IFTAP: variants seen among roughly 807,000 people sequenced by gnomAD.
IFTAP encodes the protein intraflagellar transport-associated protein.
In IFTAP, 19 loss-of-function variants were observed where a neutral mutation model predicts 19.4. The observed-to-expected ratio is 0.98, with a 90% CI of 0.68 to 1.44. The LOEUF (loss-of-function observed/expected upper bound fraction) is 1.44, where lower values mean the gene tolerates loss of function less well. Among genes scored for constraint, IFTAP ranks in the 40% most tolerant of loss-of-function variants. The pLI is 0.00. For missense variants in IFTAP, 240 were observed against 253.6 expected, an observed-to-expected ratio of 0.95 and a Z score of 0.36; for synonymous variants, 85 against 83.5, an observed-to-expected ratio of 1.02 and a Z score of -0.10.
chr11:36,647,751 A>C (rs1403092855), intron 4 of IFTAP, among the ~76,000 whole-genome samples: 1 of 151,990 alleles, frequency 6.6e-6, no homozygotes, highest in Non-Finnish European at 1.5e-5. Flanking sequence ...CAGTCAGGTT[A>C]CTCCAAAAAC....
intron 5 of IFTAP, among the ~76,000 whole-genome samples, chr11:36,656,061 A>G (rs964786478): frequency 3.3e-5 from 5 of 152,206 alleles, no homozygotes; most frequent in Non-Finnish European, 7.3e-5. Context: ...TATAGCCACA[A>G]GGTAGTTTGA....
rs186799457 is a variant in IFTAP, at chr11:36,638,577, T to C, written c.358+2460T>C. ...AAGGGAAAAGAAATTAAATAGTTGGTGCCAAGGCGAATTTTAGTTTGGGCC... is the reference window on the plus strand; with the variant it reads ...AAGGGAAAAGAAATTAAATAGTTGGCGCCAAGGCGAATTTTAGTTTGGGCC... On this transcript the variant is annotated intron_variant, in intron 4 of 5. Transcript: ENST00000334307. Among the ~76,000 whole-genome samples the C allele has an allele frequency of 1.5e-4, 23 of 152,354 alleles. No homozygotes were observed. In the East Asian group the frequency reaches 4.4e-3, roughly 29 times the overall value.
At chr11:36,606,235 G>T (rs1400464866) in intron 1 of IFTAP, among the ~76,000 whole-genome samples, 1 of 152,136 alleles carries the variant, frequency 6.6e-6, no homozygotes, top group Non-Finnish European at 1.5e-5. Context: ...AAGGCAGGCG[G>T]ATCACCTGAG....
At chr11:36,637,358 G>A (rs1337955311) in intron 4 of IFTAP, among the ~76,000 whole-genome samples, 1 of 152,206 alleles carries the variant, frequency 6.6e-6, no homozygotes, top group Admixed American at 6.5e-5. Flanking sequence ...TTTGGTTTAA[G>A]TGAGATCAGA....
At chr11:36,634,934 C>T (rs1466694794) in intron 3 of IFTAP, among the ~76,000 whole-genome samples, 3 of 152,048 alleles carry the variant, frequency 2.0e-5, no homozygotes, top group African/African-American at 7.2e-5. Flanking sequence ...AACATGACTC[C>T]AGTCCCCATT....
At chr11:36,633,527 G>C (rs1852809035) in intron 3 of IFTAP, 89 bp downstream of exon 3, 6 of 1,052,496 alleles carry the variant, frequency 5.7e-6, no homozygotes, top group Non-Finnish European at 7.6e-6. Flanking sequence ...CTAAACACTA[G>C]ACAGTTATTA....
intron 1 of IFTAP, among the ~76,000 whole-genome samples, chr11:36,600,453 G>A (rs1013449013): frequency 7.9e-5 from 12 of 152,216 alleles, no homozygotes; most frequent in African/African-American, 2.7e-4. Flanking sequence ...TGTAAGCTGT[G>A]CATGTGAGGG....
intron 4 of IFTAP, among the ~76,000 whole-genome samples, chr11:36,639,409 GTTCTCCAGTACTGTAC>G (rs1429666893): frequency 1.3e-5 from 2 of 152,132 alleles, no homozygotes; most frequent in East Asian, 3.9e-4. Context: ...TCATTTTCAG[GTTCTCCAGTACTGTAC>G]TTCTGCCTTA....
intron 4 of IFTAP, among the ~76,000 whole-genome samples, chr11:36,639,726 A>G (rs924110915): frequency 5.3e-5 from 8 of 152,116 alleles, no homozygotes; most frequent in Non-Finnish European, 1.2e-4. Context: ...TGAGGGATCT[A>G]CTCTGAAACC....
chr11:36,640,478 A>G (rs1853153246), intron 4 of IFTAP, among the ~76,000 whole-genome samples: 1 of 152,210 alleles, frequency 6.6e-6, no homozygotes, highest in Non-Finnish European at 1.5e-5. Flanking sequence ...ACTGAAATAC[A>G]GTGGTTGTGG....
intron 5 of IFTAP, among the ~76,000 whole-genome samples, chr11:36,656,782 T>C (rs1256451657): frequency 1.3e-5 from 2 of 152,082 alleles, no homozygotes; most frequent in African/African-American, 4.8e-5. Context: ...TAAATGTTTA[T>C]TGAGTGAACA....
chr11:36,635,066 T>A (rs200686786), intron 3 of IFTAP, among the ~76,000 whole-genome samples: 1,820 of 152,242 alleles, frequency 0.012, 22 homozygotes, highest in East Asian at 0.031. Flanking sequence ...ACTGCAGGTA[T>A]GTACTTAAAA....
At chr11:36,629,601 A>G (rs939866439) in intron 2 of IFTAP, among the ~76,000 whole-genome samples, 1 of 151,524 alleles carries the variant, frequency 6.6e-6, no homozygotes, top group Non-Finnish European at 1.5e-5. Context: ...TTCTTTCAAA[A>G]TTGAGTTCTT....
At chr11:36,607,219 A>G (rs1386877295) in intron 1 of IFTAP, among the ~76,000 whole-genome samples, 2 of 152,220 alleles carry the variant, frequency 1.3e-5, no homozygotes, top group Non-Finnish European at 1.5e-5. Context: ...TAGGCAAAGG[A>G]CAGAATATTA....
At chr11:36,657,862 CT>C (rs1188512479) in intron 5 of IFTAP, among the ~76,000 whole-genome samples, 1 of 152,160 alleles carries the variant, frequency 6.6e-6, no homozygotes, top group African/African-American at 2.4e-5. Context: ...CACTAAGGTC[CT>C]TTCTGATAAA....
chr11:36,619,202 A>T (rs977815181), intron 2 of IFTAP, among the ~76,000 whole-genome samples: 3 of 151,928 alleles, frequency 2.0e-5, no homozygotes, highest in African/African-American at 7.3e-5. Context: ...CTGGACTGAT[A>T]AATTTTGAGT....
chr11:36,648,123 A>G lies in IFTAP; in HGVS notation c.466A>G (p.Ser156Gly). The G allele has an allele frequency of 1.2e-6, 2 of 1,613,364 alleles. No homozygotes were observed. The highest frequency in any genetic ancestry group is 1.7e-6 in the Non-Finnish European group (2 of 1,179,548). The change falls in exon 5 of 6, where the codon AGT becomes GGT. Residue 156 changes from serine to glycine, a missense_variant. Transcript: ENST00000334307. ...PPTCEVKPKP[S>G]VKRMDKQTEE... ...TACCTGTGAAGTGAAGCCAAAGCCC[A>G]GTGTTAAAAGAATGGACAAACAGAC...
intron 5 of IFTAP, among the ~76,000 whole-genome samples, chr11:36,658,458 A>T (rs1854087997): frequency 6.6e-6 from 1 of 152,202 alleles, no homozygotes; most frequent in African/African-American, 2.4e-5. Context: ...TCTTGGTAGA[A>T]ACAAAGAGAT....
intron 2 of IFTAP, among the ~76,000 whole-genome samples, chr11:36,631,836 T>TG (rs1487128403): frequency 2.0e-5 from 3 of 151,194 alleles, no homozygotes; most frequent in Non-Finnish European, 4.4e-5. Context: ...TTCCTGTACT[T>TG]GCTGTTGTCA....
Sources: allele counts gnomAD v4.1 joint callset (sites outside exome capture counted in the v4.1 genomes callset), GRCh38; gene constraint gnomAD v4.1.1; transcripts MANE v1.5; gene names NCBI Gene and HGNC (gene_info 2026-07-23, HGNC 2026-07-21).